Variants in CDH12 observed in about 807,000 individuals in gnomAD.
CDH12 encodes cadherin 12.
Under a neutral mutation model 74.1 loss-of-function variants are expected in CDH12, and 41 were observed. That is an observed-to-expected ratio of 0.55 (90% CI 0.43 to 0.72). The LOEUF is 0.72. CDH12 is among the 30% of genes least tolerant of loss of function. The pLI, the probability that CDH12 is intolerant of heterozygous loss-of-function variation, is 0.00. For missense variants in CDH12, 945 were observed against 977.2 expected (o/e 0.97, Z 0.44); for synonymous variants, 399 against 355.0 (o/e 1.12, Z -1.39).
chr5:22,107,071 C>T lies in CDH12; in HGVS notation c.-186-28209G>A, dbSNP rs566134974. Among the ~76,000 whole-genome samples the T allele has an allele frequency of 1.6e-4, 25 of 152,066 alleles. No homozygotes were observed. In the East Asian group the frequency reaches 4.8e-3, roughly 29 times the overall value. On this transcript the variant is annotated intron_variant, in intron 4 of 14. Coordinates refer to ENST00000382254, the MANE Select transcript of CDH12 (RefSeq NM_004061.5). ...GGGGTCCTAGACTGTGGCAATTCAA[C>T]TCCAAGTGCCCAAAGGATGTCAAAA...
At chr5:22,065,409 GC>G (rs1216664300) in intron 5 of CDH12, among the ~76,000 whole-genome samples, 1 of 152,158 alleles carries the variant, frequency 6.6e-6, no homozygotes, top group Non-Finnish European at 1.5e-5. Flanking sequence ...CAGAGACTCT[GC>G]ATTTAATATT....
intron 3 of CDH12, among the ~76,000 whole-genome samples, chr5:22,392,097 T>C (rs1278686396): frequency 6.6e-6 from 1 of 152,178 alleles, no homozygotes; most frequent in Non-Finnish European, 1.5e-5. Context: ...AGGCTTCCTG[T>C]CCTACCCCTT....
chr5:22,218,435 G>T (rs1443308775), intron 3 of CDH12, among the ~76,000 whole-genome samples: 1 of 151,522 alleles, frequency 6.6e-6, no homozygotes, highest in African/African-American at 2.4e-5. Context: ...CTTAACAACT[G>T]GACCACAAAA....
intron 5 of CDH12, among the ~76,000 whole-genome samples, chr5:21,982,221 C>A (rs1201223149): frequency 1.3e-5 from 2 of 152,068 alleles, no homozygotes; most frequent in Non-Finnish European, 2.9e-5. Flanking sequence ...TGACAGAGAT[C>A]TCTTCCTGCC....
intron 3 of CDH12, among the ~76,000 whole-genome samples, chr5:22,228,336 T>G (rs1192643006): frequency 6.6e-6 from 1 of 152,134 alleles, no homozygotes; most frequent in South Asian, 2.1e-4. Flanking sequence ...ATATGCCACC[T>G]ACCACAAATT....
chr5:22,802,682 T>A (rs927967839), intron 1 of CDH12, among the ~76,000 whole-genome samples: 4 of 152,088 alleles, frequency 2.6e-5, no homozygotes, highest in Non-Finnish European at 4.4e-5. Flanking sequence ...AGGAATACCA[T>A]CAGTTCTGGA....
At chr5:22,382,031 A>AG (rs955708470) in intron 3 of CDH12, among the ~76,000 whole-genome samples, 38 of 148,088 alleles carry the variant, frequency 2.6e-4, no homozygotes, top group African/African-American at 8.6e-4. Flanking sequence ...GCCGGAGTTC[A>AG]GGGGTTTCAT....
In CDH12 at chr5:22,409,309, A is replaced by G. The variant is rs114488901; in HGVS notation, c.-427-3958T>C. Among the ~76,000 whole-genome samples, 1,296 of 152,102 alleles carry G rather than the reference A, an allele frequency of 8.5e-3. 19 individuals carry two copies. The highest frequency in any genetic ancestry group is 0.03 in the African/African-American group (1,245 of 41,534). ...TTTTAAGTCTTCTTATCTGAGGTATACACTTGTAGCACAGCATGTTTCTAA... is the reference window on the plus strand; with the variant it reads ...TTTTAAGTCTTCTTATCTGAGGTATGCACTTGTAGCACAGCATGTTTCTAA... On this transcript the variant is annotated intron_variant, in intron 2 of 14. Coordinates refer to ENST00000382254, the MANE Select transcript of CDH12 (RefSeq NM_004061.5).
At chr5:22,374,245 A>G (rs2126355782) in intron 3 of CDH12, among the ~76,000 whole-genome samples, 1 of 152,100 alleles carries the variant, frequency 6.6e-6, no homozygotes, top group Admixed American at 6.6e-5. Context: ...AAAAAAATGG[A>G]AAAAAAATCA....
At chr5:22,740,250 C>T (rs768186253) in intron 1 of CDH12, among the ~76,000 whole-genome samples, 6 of 152,018 alleles carry the variant, frequency 3.9e-5, no homozygotes, top group Non-Finnish European at 8.8e-5. Context: ...ATTTACTTTA[C>T]ATAACGTGGA....
intron 1 of CDH12, among the ~76,000 whole-genome samples, chr5:22,667,167 A>AGG (rs974570153): frequency 4.0e-5 from 6 of 148,982 alleles, no homozygotes; most frequent in Non-Finnish European, 7.4e-5. Flanking sequence ...TATGGTCCCC[A>AGG]AATTTCTTCT....
chr5:22,603,837 G>A (rs188421376), intron 1 of CDH12, among the ~76,000 whole-genome samples: 1 of 152,286 alleles, frequency 6.6e-6, no homozygotes, highest in East Asian at 1.9e-4. Context: ...CACTTTTAAG[G>A]AGCTTTCCTG....
At chr5:21,814,142 A>AGTGAGT (rs1747908274) in intron 9 of CDH12, among the ~76,000 whole-genome samples, 1 of 145,602 alleles carries the variant, frequency 6.9e-6, no homozygotes, top group East Asian at 2.1e-4. Context: ...AGGAGAAATG[A>AGTGAGT]GTGTGTGTGT....
chr5:22,233,196 A>G (rs1752446736), intron 3 of CDH12, among the ~76,000 whole-genome samples: 1 of 151,996 alleles, frequency 6.6e-6, no homozygotes, highest in African/African-American at 2.4e-5. Context: ...TGCTGGAACT[A>G]TAATCAGAAT....
intron 2 of CDH12, among the ~76,000 whole-genome samples, chr5:22,502,290 G>A (rs1420449559): frequency 6.6e-6 from 1 of 151,954 alleles, no homozygotes; most frequent in Admixed American, 6.6e-5. Context: ...ATATTCCCCT[G>A]AATATACTCT....
chr5:22,756,605 G>C (rs1326209716), intron 1 of CDH12, among the ~76,000 whole-genome samples: 3 of 152,106 alleles, frequency 2.0e-5, no homozygotes, highest in Non-Finnish European at 4.4e-5. Flanking sequence ...GAAAGCCCAA[G>C]AAATATAAAG....
chr5:22,159,722 C>T (rs6452062), intron 4 of CDH12, among the ~76,000 whole-genome samples: 149,496 of 152,300 alleles, frequency 0.98, 73,429 homozygotes, highest in East Asian at 1. Flanking sequence ...TAGCTTAAAT[C>T]CATAAACTTT....
At chr5:21,843,693 A>G (rs1750000791) in intron 7 of CDH12, among the ~76,000 whole-genome samples, 1 of 151,964 alleles carries the variant, frequency 6.6e-6, no homozygotes, top group South Asian at 2.1e-4. Context: ...TTTGTATTTT[A>G]GTAGAGATGG....
intron 6 of CDH12, among the ~76,000 whole-genome samples, chr5:21,974,493 T>A (rs865896515): frequency 3.9e-5 from 6 of 152,122 alleles, no homozygotes; most frequent in Non-Finnish European, 8.8e-5. Flanking sequence ...AATTGTTAAT[T>A]TGATAATTGT....
Sources: gnomAD v4.1 joint callset for allele counts (sites outside exome capture counted in the v4.1 genomes callset) on GRCh38, gnomAD v4.1.1 for gene constraint, MANE v1.5 for transcripts, NCBI Gene and HGNC (gene_info 2026-07-23, HGNC 2026-07-21) for gene names.